Variants in ZDHHC13 observed in about 807,000 individuals in gnomAD.
The protein encoded by ZDHHC13 is palmitoyltransferase ZDHHC13.
A neutral mutation model predicts 86.0 loss-of-function variants in ZDHHC13; 85 were observed. The ratio of observed to expected loss-of-function variants is 0.99; its 90% confidence interval spans 0.83 to 1.18. The LOEUF is 1.18. ZDHHC13 is among the 50% of genes most tolerant of loss of function. The probability of loss-of-function intolerance (pLI) is 0.00; values close to 1 mark genes in which losing one functional copy is unlikely to be tolerated. For synonymous variants in ZDHHC13, 263 were observed against 246.4 expected (o/e 1.07, Z -0.63); for missense variants, 711 against 730.2 (o/e 0.97, Z 0.30).
rs375550311 is a variant in ZDHHC13, at chr11:19,176,172, TAA to T, written c.*221_*222del. ...TTTCTGATAAATCTTGGCAGACATC[TAA>T]AAAAAAAACCATATTTTTCACAAGA... On this transcript the variant is annotated 3_prime_UTR_variant, in exon 17 of 17. Coordinates refer to ENST00000446113, the MANE Select transcript of ZDHHC13 (RefSeq NM_019028.3). 2 of 354,640 alleles carry T rather than the reference TAA, an allele frequency of 5.6e-6. No individual in the cohort carries two copies. Among genetic ancestry groups the T allele is most frequent in the South Asian group, 2.0e-4 (2 of 9,784 alleles). 22.0% of individuals were successfully genotyped at this position (354,640 alleles called of 1,614,324 possible).
chr11:19,164,287 T>C lies in ZDHHC13; in HGVS notation c.1234-14T>C, dbSNP rs780208835. 6.2e-7 allele frequency: 1 copy of C among 1,612,556 alleles called. No homozygotes were observed. Among genetic ancestry groups the C allele is most frequent in the Non-Finnish European group, 8.5e-7 (1 of 1,179,294 alleles). On this transcript the variant is annotated splice_polypyrimidine_tract_variant and intron_variant, in intron 11 of 16. Transcript: ENST00000446113. ...AATAAAATGTGGTAATAGGTCAAACTTCATGTCTTTCAGAATATCATCACC... is the reference window on the plus strand; with the variant it reads ...AATAAAATGTGGTAATAGGTCAAACCTCATGTCTTTCAGAATATCATCACC...
chr11:19,175,929 C>G lies in ZDHHC13; in HGVS notation c.1838C>G (p.Pro613Arg). 3.7e-6 allele frequency: 6 copies of G among 1,611,264 alleles called. No individual in the cohort carries two copies. Among genetic ancestry groups the G allele is most frequent in the Non-Finnish European group, 5.1e-6 (6 of 1,178,976 alleles). The change falls in exon 17 of 17, where the codon CCA (proline) becomes CGA (arginine). Residue 613 changes from proline to arginine, a missense_variant. By Grantham distance (103) the Pro-to-Arg change is moderately radical. Coordinates refer to ENST00000446113, the MANE Select transcript of ZDHHC13 (RefSeq NM_019028.3). ...TCACAGTACACCATGGTCTTTCACC[C>G]AGCCAGGGAGAAGGTTCTTCGCTCA... Reference protein sequence around the residue: ...WTSQYTMVFHPAREKVLRSV With the variant: ...WTSQYTMVFHRAREKVLRSV
At chr11:19,165,007 T>G in intron 12 of ZDHHC13, 45 bp from the exon 13 acceptor site, 75 of 1,558,570 alleles carry the variant, frequency 4.8e-5, no homozygotes, top group Non-Finnish European at 5.9e-5. Flanking sequence ...GTTACCACTT[T>G]GAGACACTGG....
chr11:19,120,708 G>T (rs1347817835), intron 1 of ZDHHC13, among the ~76,000 whole-genome samples: 1 of 152,184 alleles, frequency 6.6e-6, no homozygotes, highest in Non-Finnish European at 1.5e-5. Flanking sequence ...AGGACAGTGA[G>T]CTAGCTACAT....
At chr11:19,172,252 T>C (rs1226890555) in intron 15 of ZDHHC13, among the ~76,000 whole-genome samples, 1 of 152,100 alleles carries the variant, frequency 6.6e-6, no homozygotes, top group African/African-American at 2.4e-5. Context: ...TTTGTATTTT[T>C]AGTGGAGACG....
chr11:19,171,210 C>T lies in ZDHHC13; in HGVS notation c.1632+642C>T, dbSNP rs550086858. On this transcript the variant is annotated intron_variant, in intron 15 of 16. Transcript: ENST00000446113. ...GTTCAAGCTCCAGGGCAGTAGTCAC[C>T]TTCAGCTTTCTCCAAAGCTTTAGTC... 5.3e-5 allele frequency among the ~76,000 whole-genome samples: 8 copies of T among 152,306 alleles called. No homozygotes were observed. The South Asian group carries it at 1.5e-3, about 28-fold the overall frequency.
Position 19,147,681 on chromosome 11 carries a change from T to A in ZDHHC13, c.374+8T>A. 1 of 1,589,332 alleles carries A rather than the reference T, an allele frequency of 6.3e-7. No individual in the cohort carries two copies. The highest frequency in any genetic ancestry group is 8.6e-7 in the Non-Finnish European group (1 of 1,165,942). ...TCTTCACTGGGCCATCCGGTAAGGT[T>A]TCTTTGAACACTGAAATTAAATAGC... On this transcript the variant is annotated splice_region_variant and intron_variant, in intron 4 of 16. Transcript: ENST00000446113.
chr11:19,156,055 TC>T, intron 9 of ZDHHC13, 126 bp downstream of exon 9: 6 of 1,199,084 alleles, frequency 5.0e-6, no homozygotes, highest in Non-Finnish European at 6.6e-6. Flanking sequence ...TATAACAGCA[TC>T]CTGCGGGTGG....
chr11:19,135,344 C>G (rs540609781), intron 1 of ZDHHC13, among the ~76,000 whole-genome samples: 302 of 152,264 alleles, frequency 2.0e-3, no homozygotes, highest in African/African-American at 7.0e-3. Flanking sequence ...CACTCCCACC[C>G]GAATACTGCG....
intron 2 of ZDHHC13, among the ~76,000 whole-genome samples, chr11:19,144,853 C>T (rs1483503032): frequency 6.6e-6 from 1 of 152,160 alleles, no homozygotes; most frequent in Non-Finnish European, 1.5e-5. Context: ...TGGTGGCTCA[C>T]GCCTGTAAGC....
intron 1 of ZDHHC13, among the ~76,000 whole-genome samples, chr11:19,121,377 C>A (rs1848756230): frequency 6.6e-6 from 1 of 152,188 alleles, no homozygotes; most frequent in East Asian, 1.9e-4. Flanking sequence ...ATATCCCTAA[C>A]TAGAATATAA....
At chr11:19,136,139 A>C (rs111669272) in intron 1 of ZDHHC13, among the ~76,000 whole-genome samples, 72,940 of 151,658 alleles carry the variant, frequency 0.48, 21,490 homozygotes, top group Non-Finnish European at 0.64. Context: ...TACGGGAGGA[A>C]ATTCAAACCA....
chr11:19,121,273 A>ATTGT (rs755562945), intron 1 of ZDHHC13, among the ~76,000 whole-genome samples: 1 of 152,080 alleles, frequency 6.6e-6, no homozygotes, highest in Non-Finnish European at 1.5e-5. Flanking sequence ...ATCTTGTTTG[A>ATTGT]TTGTTTGCTG....
intron 14 of ZDHHC13, chr11:19,169,729 A>G: frequency 1.0e-6 from 1 of 985,426 alleles, no homozygotes; most frequent in Non-Finnish European, 1.2e-6. Context: ...TCCTAGCTAC[A>G]TGGGTTAGGA....
At chr11:19,175,479 A>G (rs1032167369) in intron 16 of ZDHHC13, among the ~76,000 whole-genome samples, 2 of 150,002 alleles carry the variant, frequency 1.3e-5, no homozygotes, top group Admixed American at 1.3e-4. Context: ...CCTTTGAGGT[A>G]ATCAAGGTCT....
At chr11:19,164,460 C>A in intron 12 of ZDHHC13, 97 bp downstream of exon 12, 1 of 1,192,174 alleles carries the variant, frequency 8.4e-7, no homozygotes, top group Non-Finnish European at 1.2e-6. Context: ...TATATTTATA[C>A]ACCTTTGTTT....
chr11:19,137,473 C>T (rs1175252298), intron 1 of ZDHHC13, among the ~76,000 whole-genome samples: 3 of 151,682 alleles, frequency 2.0e-5, no homozygotes, highest in Non-Finnish European at 2.9e-5. Context: ...TAATGGGAGA[C>T]TTTAACACCC....
intron 14 of ZDHHC13, chr11:19,167,465 A>T (rs1256152656): frequency 1.3e-5 from 2 of 152,094 alleles, no homozygotes; most frequent in African/African-American, 4.8e-5. Context: ...CCAGGCTCCC[A>T]GTTTCCCTCC....
intron 2 of ZDHHC13, among the ~76,000 whole-genome samples, chr11:19,145,905 G>C (rs928292135): frequency 6.6e-6 from 1 of 152,150 alleles, no homozygotes; most frequent in African/African-American, 2.4e-5. Context: ...GAGATCAGAT[G>C]AAACTTATTG....
Sources: allele counts gnomAD v4.1 joint callset (sites outside exome capture counted in the v4.1 genomes callset), GRCh38; gene constraint gnomAD v4.1.1; transcripts MANE v1.5; gene names NCBI Gene and HGNC (gene_info 2026-07-23, HGNC 2026-07-21).